CA10: variants seen among roughly 807,000 people sequenced by gnomAD.
The protein encoded by CA10 is carbonic anhydrase-related protein 10.
Under a neutral mutation model 44.2 loss-of-function variants are expected in CA10, and 14 were observed. That is an observed-to-expected ratio of 0.32 (90% confidence interval 0.21 to 0.50). The LOEUF is 0.50. Among genes scored for constraint, CA10 ranks in the 20% least tolerant of loss-of-function variants. The pLI is 0.99. For missense variants in CA10, 350 were observed against 409.7 expected (o/e 0.85, Z 1.26); for synonymous variants, 159 against 141.6 (o/e 1.12, Z -0.87).
chr17:51,934,712 C>T (rs1318583499), intron 2 of CA10, among the ~76,000 whole-genome samples: 1 of 152,056 alleles, frequency 6.6e-6, no homozygotes, highest in Non-Finnish European at 1.5e-5. Flanking sequence ...TGATTGCACA[C>T]AAAGAGCTGC....
At chr17:52,036,954 A>G (rs1350727563) in intron 2 of CA10, among the ~76,000 whole-genome samples, 1 of 152,174 alleles carries the variant, frequency 6.6e-6, no homozygotes, top group Non-Finnish European at 1.5e-5. Flanking sequence ...GAAGGACTCT[A>G]GTCCCTGCCT....
chr17:51,927,177 A>G (rs1051892846), intron 3 of CA10, among the ~76,000 whole-genome samples: 1 of 152,102 alleles, frequency 6.6e-6, no homozygotes, highest in Non-Finnish European at 1.5e-5. Flanking sequence ...TTTATACTTA[A>G]TATATGATAA....
At chr17:51,849,044 ACTGT>A (rs1042248692) in intron 3 of CA10, among the ~76,000 whole-genome samples, 4 of 150,722 alleles carry the variant, frequency 2.7e-5, no homozygotes, top group Admixed American at 2.0e-4. Flanking sequence ...AGACTGACTG[ACTGT>A]CTATCTCTGT....
chr17:51,910,084 T>C (rs759874734), intron 3 of CA10, among the ~76,000 whole-genome samples: 2 of 152,036 alleles, frequency 1.3e-5, no homozygotes, highest in African/African-American at 2.4e-5. Flanking sequence ...AGATGCACCA[T>C]GAGAAGCAGG....
At chr17:52,066,065 C>T (rs910487041) in intron 2 of CA10, among the ~76,000 whole-genome samples, 20 of 152,196 alleles carry the variant, frequency 1.3e-4, no homozygotes, top group African/African-American at 4.8e-4. Flanking sequence ...CCATGCTGAA[C>T]TATGAGTCAA....
intron 2 of CA10, among the ~76,000 whole-genome samples, chr17:52,064,275 G>A (rs1279531895): frequency 2.0e-5 from 3 of 152,136 alleles, no homozygotes; most frequent in Non-Finnish European, 4.4e-5. Context: ...TCAGCCTTAT[G>A]GGACTCAGTA....
chr17:52,035,962 C>A (rs183445694), intron 2 of CA10, among the ~76,000 whole-genome samples: 254 of 152,328 alleles, frequency 1.7e-3, no homozygotes, highest in Non-Finnish European at 3.0e-3. Flanking sequence ...AGTTGGCCAA[C>A]ACCTTGTCTA....
chr17:52,003,032 G>C (rs934456678), intron 2 of CA10, among the ~76,000 whole-genome samples: 6 of 151,912 alleles, frequency 3.9e-5, no homozygotes, highest in Admixed American at 3.9e-4. Context: ...ACAGGAATGA[G>C]GTTTGCTGTC....
chr17:51,957,321 CTGTT>C (rs1983703355), intron 2 of CA10, among the ~76,000 whole-genome samples: 1 of 152,064 alleles, frequency 6.6e-6, no homozygotes, highest in South Asian at 2.1e-4. Context: ...TTTTTTCCTT[CTGTT>C]TATTATGAGA....
Position 51,631,068 on chromosome 17 carries a change from C to T in CA10, c.*516G>A, listed in dbSNP as rs1203067969. 1 of 154,204 alleles carries T rather than the reference C, an allele frequency of 6.5e-6. No homozygotes were observed. The highest frequency in any genetic ancestry group is 1.4e-5 in the Non-Finnish European group (1 of 69,220). 9.6% of individuals were successfully genotyped at this position (154,204 alleles called of 1,614,324 possible). A position where few individuals can be genotyped will look rare whatever the true frequency, so the allele number is the denominator to read the frequency against. Reference sequence around the variant, plus strand: ...TGTCCTGCTCACCTGCTACCAGCACCCTCAAAGGATCCTAGGACACTATCT... The same window carrying T: ...TGTCCTGCTCACCTGCTACCAGCACTCTCAAAGGATCCTAGGACACTATCT... On this transcript the variant is annotated 3_prime_UTR_variant, in exon 9 of 9. Coordinates refer to ENST00000451037, the MANE Select transcript of CA10 (RefSeq NM_020178.5).
intron 2 of CA10, among the ~76,000 whole-genome samples, chr17:52,048,021 C>A (rs1320687544): frequency 1.3e-5 from 2 of 149,362 alleles, no homozygotes; most frequent in Non-Finnish European, 3.0e-5. Context: ...TGGCTCCATC[C>A]AATCTCCCAC....
chr17:51,856,222 G>T (rs1212175947), intron 3 of CA10, among the ~76,000 whole-genome samples: 1 of 152,166 alleles, frequency 6.6e-6, no homozygotes, highest in Non-Finnish European at 1.5e-5. Context: ...CAATCCTAAT[G>T]TATTAGATCT....
intron 1 of CA10, among the ~76,000 whole-genome samples, chr17:52,115,394 G>C (rs1988871511): frequency 6.6e-6 from 1 of 152,186 alleles, no homozygotes; most frequent in Non-Finnish European, 1.5e-5. Context: ...GTAAAATACG[G>C]ACCTGAATGT....
chr17:51,984,126 C>T (rs550393795), intron 2 of CA10, among the ~76,000 whole-genome samples: 1 of 151,648 alleles, frequency 6.6e-6, no homozygotes, highest in Non-Finnish European at 1.5e-5. Flanking sequence ...GCACTCTACC[C>T]TTTCACCAAG....
intron 3 of CA10, among the ~76,000 whole-genome samples, chr17:51,820,331 T>C (rs1217392399): frequency 1.3e-5 from 2 of 150,130 alleles, no homozygotes; most frequent in African/African-American, 4.9e-5. Flanking sequence ...ATTCAGTCAA[T>C]GTTTGTCGGA....
chr17:51,787,449 C>A (rs781550314), intron 3 of CA10, among the ~76,000 whole-genome samples: 3 of 151,800 alleles, frequency 2.0e-5, no homozygotes, highest in African/African-American at 7.3e-5. Context: ...TAGTAATAAT[C>A]CTTTGAATTT....
intron 3 of CA10, among the ~76,000 whole-genome samples, chr17:51,755,486 G>A (rs28545680): frequency 0.017 from 2,519 of 152,214 alleles, 72 homozygotes; most frequent in African/African-American, 0.057. Flanking sequence ...TGAGGTTTCC[G>A]ATATGTTCTC....
At chr17:51,665,861 A>G (rs2143329398) in intron 4 of CA10, among the ~76,000 whole-genome samples, 1 of 152,328 alleles carries the variant, frequency 6.6e-6, no homozygotes, top group Middle Eastern at 3.4e-3. Flanking sequence ...ATTGAAACCA[A>G]ATATTTAAAC....
At chr17:51,823,016 CAG>C (rs1907872360) in intron 3 of CA10, among the ~76,000 whole-genome samples, 1 of 152,136 alleles carries the variant, frequency 6.6e-6, no homozygotes, top group Non-Finnish European at 1.5e-5. Flanking sequence ...GTTTTATCAA[CAG>C]AGAGATTTTA....
Sources: gnomAD v4.1 joint callset for allele counts (sites outside exome capture counted in the v4.1 genomes callset) on GRCh38, gnomAD v4.1.1 for gene constraint, MANE v1.5 for transcripts, NCBI Gene and HGNC (gene_info 2026-07-23, HGNC 2026-07-21) for gene names.